Variants in MOSMO observed in about 807,000 individuals in gnomAD.
MOSMO encodes the protein modulator of smoothened protein.
In MOSMO, 5 loss-of-function variants were observed where a neutral mutation model predicts 18.4. That is an observed-to-expected ratio of 0.27 (90% CI 0.14 to 0.57). The LOEUF (loss-of-function observed/expected upper bound fraction) is 0.57. MOSMO is among the 20% of genes least tolerant of loss of function. The probability of loss-of-function intolerance (pLI) is 0.92; values close to 1 mark genes in which losing one functional copy is unlikely to be tolerated. For synonymous variants in MOSMO, 82 were observed against 82.3 expected, an observed-to-expected ratio of 1.00 and a Z score of 0.02; for missense variants, 138 against 211.8, an observed-to-expected ratio of 0.65 and a Z score of 2.16.
intron 1 of MOSMO, among the ~76,000 whole-genome samples, chr16:22,038,749 G>A (rs1025454765): frequency 2.1e-4 from 32 of 152,204 alleles, no homozygotes; most frequent in Admixed American, 2.0e-3. Context: ...AGATTTCTGG[G>A]TTGTATTGAG....
chr16:22,033,254 A>T (rs1900033135), intron 1 of MOSMO, among the ~76,000 whole-genome samples: 1 of 152,174 alleles, frequency 6.6e-6, no homozygotes, highest in Non-Finnish European at 1.5e-5. Context: ...TTTGGTAAGG[A>T]TTGCATTGAA....
chr16:22,046,187 C>G (rs891556009), intron 1 of MOSMO, among the ~76,000 whole-genome samples: 8 of 152,168 alleles, frequency 5.3e-5, no homozygotes, highest in African/African-American at 1.9e-4. Flanking sequence ...ACTTCAACCC[C>G]TATTAATGGC....
At chr16:22,073,591 A>G (rs924024567) in intron 1 of MOSMO, among the ~76,000 whole-genome samples, 5 of 150,564 alleles carry the variant, frequency 3.3e-5, no homozygotes, top group Non-Finnish European at 7.4e-5. Flanking sequence ...GTTTTTGTTT[A>G]AGAACAGTCA....
At chr16:22,039,949 A>G (rs1478020274) in intron 1 of MOSMO, among the ~76,000 whole-genome samples, 1 of 152,222 alleles carries the variant, frequency 6.6e-6, no homozygotes, top group African/African-American at 2.4e-5. Context: ...TTCATGAGAA[A>G]AGAAATATTA....
intron 1 of MOSMO, among the ~76,000 whole-genome samples, chr16:22,035,563 A>G (rs1410875309): frequency 1.3e-5 from 2 of 151,850 alleles, no homozygotes; most frequent in African/African-American, 4.8e-5. Context: ...TACAGGTTAG[A>G]TTTTCCTACC....
intron 2 of MOSMO, among the ~76,000 whole-genome samples, chr16:22,076,638 T>C (rs983743329): frequency 6.6e-6 from 1 of 152,220 alleles, no homozygotes; most frequent in African/African-American, 2.4e-5. Flanking sequence ...CATACATTTT[T>C]AAAAATAAAT....
Position 22,083,664 on chromosome 16 carries a change from C to T in MOSMO, c.*2784C>T. 1 of 453,780 alleles carries T rather than the reference C, an allele frequency of 2.2e-6. No homozygotes were observed. Among genetic ancestry groups the T allele is most frequent in the Non-Finnish European group, 4.4e-6 (1 of 226,174 alleles). 28.1% of individuals were successfully genotyped at this position (453,780 alleles called of 1,614,324 possible). ...TCATTTGTCAAACTTTTGTCTGTTT[C>T]ATTGTTTTTAGAGTGTGTGCATTCT... On this transcript the variant is annotated 3_prime_UTR_variant, in exon 3 of 3. Transcript: ENST00000542527.
chr16:22,028,999 G>A (rs1397669183), intron 1 of MOSMO, among the ~76,000 whole-genome samples: 1 of 152,136 alleles, frequency 6.6e-6, no homozygotes, highest in Non-Finnish European at 1.5e-5. Context: ...AGCCTCCTGA[G>A]TAGCTGGGAT....
chr16:22,009,071 C>T (rs919538159), intron 1 of MOSMO, among the ~76,000 whole-genome samples: 1 of 152,178 alleles, frequency 6.6e-6, no homozygotes, highest in African/African-American at 2.4e-5. Flanking sequence ...TCTGCACCGC[C>T]GCCCCCGCCC....
intron 1 of MOSMO, among the ~76,000 whole-genome samples, chr16:22,059,891 A>G (rs1219596814): frequency 3.9e-5 from 6 of 152,222 alleles, no homozygotes; most frequent in Non-Finnish European, 7.4e-5. Context: ...GAAATTGACA[A>G]ATTGGCCAGG....
At chr16:22,020,727 C>A (rs1454593317) in intron 1 of MOSMO, among the ~76,000 whole-genome samples, 1 of 152,130 alleles carries the variant, frequency 6.6e-6, no homozygotes, top group Admixed American at 6.5e-5. Context: ...TCTGCAACAA[C>A]AAAATAGTAG....
intron 1 of MOSMO, among the ~76,000 whole-genome samples, chr16:22,019,050 C>T (rs1381831247): frequency 3.3e-5 from 5 of 152,140 alleles, no homozygotes; most frequent in Non-Finnish European, 5.9e-5. Context: ...TGTGTAAGTG[C>T]TGTTATTTAG....
chr16:22,049,127 C>G (rs957364893), intron 1 of MOSMO, among the ~76,000 whole-genome samples: 7 of 152,112 alleles, frequency 4.6e-5, no homozygotes, highest in Admixed American at 4.6e-4. Flanking sequence ...TGTTGAGCTC[C>G]CCAACCTGTG....
intron 1 of MOSMO, among the ~76,000 whole-genome samples, chr16:22,060,141 C>T (rs1286310850): frequency 6.6e-6 from 1 of 152,154 alleles, no homozygotes; most frequent in Non-Finnish European, 1.5e-5. Context: ...TGCGCCACTG[C>T]ACTCCAGCCT....
At chr16:22,011,610 G>C (rs1899529708) in intron 1 of MOSMO, among the ~76,000 whole-genome samples, 1 of 152,144 alleles carries the variant, frequency 6.6e-6, no homozygotes, top group Admixed American at 6.5e-5. Flanking sequence ...GGGGATCGTA[G>C]GCACAAGGTC....
intron 1 of MOSMO, among the ~76,000 whole-genome samples, chr16:22,030,676 T>C (rs1899976070): frequency 6.6e-6 from 1 of 152,088 alleles, no homozygotes; most frequent in Non-Finnish European, 1.5e-5. Flanking sequence ...ATTACAGGCA[T>C]GCTCACCACA....
intron 1 of MOSMO, among the ~76,000 whole-genome samples, chr16:22,035,732 C>A (rs1268825657): frequency 6.6e-6 from 1 of 152,106 alleles, no homozygotes; most frequent in African/African-American, 2.4e-5. Context: ...TGATTTTGTT[C>A]AGCATTTTTC....
At chr16:22,067,396 T>C (rs1261339122) in intron 1 of MOSMO, among the ~76,000 whole-genome samples, 3 of 152,166 alleles carry the variant, frequency 2.0e-5, no homozygotes, top group Admixed American at 2.0e-4. Context: ...CTCAAAGTAA[T>C]ATACATTCAG....
intron 1 of MOSMO, among the ~76,000 whole-genome samples, chr16:22,036,489 T>C (rs932453385): frequency 6.6e-6 from 1 of 152,092 alleles, no homozygotes; most frequent in African/African-American, 2.4e-5. Context: ...GCTCTGTCAC[T>C]CAGGCTGGAG....
Sources: allele counts gnomAD v4.1 joint callset (sites outside exome capture counted in the v4.1 genomes callset), GRCh38; gene constraint gnomAD v4.1.1; transcripts MANE v1.5; gene names NCBI Gene and HGNC (gene_info 2026-07-23, HGNC 2026-07-21).